Variants in TEN1 observed in about 807,000 individuals in gnomAD.
The protein encoded by TEN1 is TEN1 subunit of CST complex.
TEN1 carries 6 observed loss-of-function variants against 9.3 expected under a neutral mutation model. That is an observed-to-expected ratio of 0.65 (90% CI 0.35 to 1.27). TEN1 has a LOEUF of 1.27. Ranked by LOEUF, TEN1 falls within the 50% of genes most tolerant of loss-of-function variation. The probability of loss-of-function intolerance (pLI) is 0.03; values close to 1 mark genes in which losing one functional copy is unlikely to be tolerated. For synonymous variants in TEN1, 65 were observed against 65.6 expected (o/e 0.99, Z 0.04); for missense variants, 149 against 158.2 (o/e 0.94, Z 0.31).
rs968549261 is a variant in TEN1 at position 76,000,500 on chromosome 17, T to C, written c.*238T>C. On this transcript the variant is annotated 3_prime_UTR_variant, in exon 4 of 4. Coordinates refer to ENST00000397640, the MANE Select transcript of TEN1 (RefSeq NM_001113324.3). The surrounding 1 kb of genome is among the most constrained non-coding windows in gnomAD (Gnocchi z 5.9). ...CCCAGGAGACTGCAGGTGGCCGAGC[T>C]TGGGCGCCGGGGCCGTGCTTGGTGT... 5.2e-5 allele frequency: 31 copies of C among 591,590 alleles called. No individual in the cohort carries two copies. In the South Asian group the frequency reaches 7.0e-4, roughly 13 times the overall value. 36.6% of individuals were successfully genotyped at this position (591,590 alleles called of 1,614,324 possible).
chr17:75,999,756 C>T (rs1477867281), intron 3 of TEN1, among the ~76,000 whole-genome samples: 32 of 152,244 alleles, frequency 2.1e-4, no homozygotes, highest in Non-Finnish European at 4.4e-5. Context: ...CTGCTAGAAG[C>T]CCCCCTCGTC....
At chr17:75,999,232 G>A (rs2066237233) in intron 3 of TEN1, among the ~76,000 whole-genome samples, 1 of 152,070 alleles carries the variant, frequency 6.6e-6, no homozygotes, top group Admixed American at 6.5e-5. Context: ...TGTAGTCCCA[G>A]CTCCTCAGGA....
chr17:75,994,372 T>C (rs2144360035), intron 3 of TEN1, among the ~76,000 whole-genome samples: 1 of 147,180 alleles, frequency 6.8e-6, no homozygotes, highest in Admixed American at 6.8e-5. Context: ...AGGCGGAGGT[T>C]GCTGTGAGCC....
In TEN1 at chr17:76,000,475, C is replaced by T; in HGVS notation, c.*213C>T. ...CATGCCATAAATCCGACAGCCCCAC[C>T]CCAGGAGACTGCAGGTGGCCGAGCT... On this transcript the variant is annotated 3_prime_UTR_variant, in exon 4 of 4. Transcript: ENST00000397640. This position sits in a 1 kb window ranked among gnomAD's most constrained non-coding sequence, Gnocchi z 5.9. 1 of 725,366 alleles carries T rather than the reference C, an allele frequency of 1.4e-6. No individual in the cohort carries two copies. The highest frequency in any genetic ancestry group is 2.1e-6 in the Non-Finnish European group (1 of 474,026). The allele number at this position is 725,366 out of a possible 1,614,324, so 44.9% of individuals were successfully genotyped here. A position where few individuals can be genotyped will look rare whatever the true frequency, so the allele number is the denominator to read the frequency against.
In TEN1 at chr17:75,986,226, C is replaced by T; in HGVS notation, c.34C>T (p.Pro12Ser). The T allele has an allele frequency of 6.5e-7, 1 of 1,549,966 alleles. No individual in the cohort carries two copies. Among genetic ancestry groups the T allele is most frequent in the Non-Finnish European group, 8.7e-7 (1 of 1,146,194 alleles). ...MLPKPGTYYLPWEVSAGQVPD... is the reference protein window; with the variant it reads ...MLPKPGTYYLSWEVSAGQVPD... ...GCCCAAACCTGGGACCTATTACCTC[C>T]CCTGGGAGGTTAGTGCAGGCCAAGT... The change falls in exon 2 of 4, where the codon CCC becomes TCC. Residue 12 changes from proline to serine, a missense_variant. Coordinates refer to ENST00000397640, the MANE Select transcript of TEN1 (RefSeq NM_001113324.3).
At chr17:75,996,211 T>C (rs911276704) in intron 3 of TEN1, among the ~76,000 whole-genome samples, 1 of 151,586 alleles carries the variant, frequency 6.6e-6, no homozygotes. Context: ...GACGGCCGGG[T>C]GTGGTGGCTC....
chr17:75,983,005 GTGAGGTGT>G (rs1020180500), intron 1 of TEN1, among the ~76,000 whole-genome samples: 1 of 151,642 alleles, frequency 6.6e-6, no homozygotes, highest in African/African-American at 2.4e-5. Flanking sequence ...AAGAGGCCCG[GTGAGGTGT>G]CTCACGCCTG....
chr17:75,990,625 G>A (rs917251679), intron 2 of TEN1, among the ~76,000 whole-genome samples: 1 of 151,022 alleles, frequency 6.6e-6, no homozygotes, highest in Non-Finnish European at 1.5e-5. Flanking sequence ...CGTGAGCCCA[G>A]GAGTTCGAGA....
At chr17:75,997,789 T>C (rs372315503) in intron 3 of TEN1, among the ~76,000 whole-genome samples, 1 of 151,772 alleles carries the variant, frequency 6.6e-6, no homozygotes, top group African/African-American at 2.4e-5. Flanking sequence ...TTCCCAGGCC[T>C]CACCCCACTG....
In TEN1 at chr17:75,987,062, G is replaced by A. The variant is rs1027335812; in HGVS notation, c.92+778G>A. Among the ~76,000 whole-genome samples, 6 of 152,156 alleles carry A rather than the reference G, an allele frequency of 3.9e-5. No homozygotes were observed. The East Asian group carries it at 7.7e-4, about 19-fold the overall frequency. On this transcript the variant is annotated intron_variant, in intron 2 of 3. Coordinates refer to ENST00000397640, the MANE Select transcript of TEN1 (RefSeq NM_001113324.3). The stretch of plus-strand genomic sequence containing the variant: ...TGGTGTCTAACTCCTGGGCTCAAGC[G>A]ATCCTCCTGACTCAGCCTCCCAAAG...
intron 1 of TEN1, chr17:75,984,742 C>T (rs2066141671): frequency 6.6e-6 from 1 of 152,276 alleles, no homozygotes; most frequent in African/African-American, 2.4e-5. Context: ...AGTCCAGAGT[C>T]ACAGTCTGTT....
intron 3 of TEN1, among the ~76,000 whole-genome samples, chr17:75,999,430 C>T (rs927696383): frequency 2.0e-5 from 3 of 152,032 alleles, no homozygotes; most frequent in African/African-American, 7.2e-5. Context: ...GCAACCTCCA[C>T]CTCCTGGGTT....
chr17:75,981,596 GTTT>G (rs34873669), intron 1 of TEN1, among the ~76,000 whole-genome samples: 4 of 132,308 alleles, frequency 3.0e-5, no homozygotes, highest in Non-Finnish European at 3.3e-5. Flanking sequence ...AAAGCAAGTT[GTTT>G]TTTTTTTTTT....
intron 3 of TEN1, among the ~76,000 whole-genome samples, chr17:75,993,144 G>A (rs1245932833): frequency 2.2e-5 from 3 of 133,356 alleles, no homozygotes; most frequent in Non-Finnish European, 4.8e-5. Context: ...TGTCGCTCTC[G>A]CCAGGCTGGA....
intron 2 of TEN1, among the ~76,000 whole-genome samples, chr17:75,991,149 C>CAAAAAAAAAAAAAAAAAAA (rs71361699): frequency 1.4e-5 from 1 of 70,218 alleles, no homozygotes; most frequent in Non-Finnish European, 2.5e-5. Flanking sequence ...GACTCCATCT[C>CAAAAAAAAAAAAAAAAAAA]AAAAAAAAAA....
intron 3 of TEN1, among the ~76,000 whole-genome samples, chr17:75,999,336 G>C (rs751074079): frequency 4.1e-4 from 62 of 151,902 alleles, no homozygotes; most frequent in Admixed American, 8.5e-4. Context: ...GCAACACCCT[G>C]TCTCAAAAAA....
intron 3 of TEN1, among the ~76,000 whole-genome samples, chr17:75,996,807 G>A (rs2066221044): frequency 6.6e-6 from 1 of 151,946 alleles, no homozygotes; most frequent in East Asian, 1.9e-4. Flanking sequence ...CTTCCTGTGT[G>A]TCCCCTGTGC....
intron 2 of TEN1, among the ~76,000 whole-genome samples, chr17:75,988,561 CAAAAAAAAAA>C (rs1189354019): frequency 3.4e-5 from 1 of 28,988 alleles, no homozygotes; most frequent in Non-Finnish European, 6.0e-5. Context: ...GATCCTGCCT[CAAAAAAAAAA>C]AAAAAAAAAA....
intron 1 of TEN1, among the ~76,000 whole-genome samples, chr17:75,979,724 A>G (rs575295789): frequency 1.3e-5 from 2 of 152,200 alleles, no homozygotes; most frequent in East Asian, 3.9e-4. Flanking sequence ...GCTTTTGCCA[A>G]ATCCACCCGG....
Sources: gnomAD v4.1 joint callset for allele counts (sites outside exome capture counted in the v4.1 genomes callset) on GRCh38, gnomAD v4.1.1 for gene constraint, Gnocchi (gnomAD v3.1) non-coding constraint, MANE v1.5 for transcripts, NCBI Gene and HGNC (gene_info 2026-07-23, HGNC 2026-07-21) for gene names.